SLC16A10: variants seen among roughly 807,000 people sequenced by gnomAD.
The protein encoded by SLC16A10 is solute carrier family 16 member 10.
SLC16A10 carries 27 observed loss-of-function variants against 40.0 expected under a neutral mutation model. The ratio of observed to expected loss-of-function variants is 0.67; its 90% CI spans 0.50 to 0.93. The LOEUF (loss-of-function observed/expected upper bound fraction) is 0.93, where lower values mean the gene tolerates loss of function less well. Ranked by LOEUF, SLC16A10 falls within the 40% of genes least tolerant of loss-of-function variation. The pLI, the probability that SLC16A10 is intolerant of heterozygous loss-of-function variation, is 0.00. For missense variants in SLC16A10, 529 were observed against 658.2 expected, an observed-to-expected ratio of 0.80 and a Z score of 2.15; for synonymous variants, 213 against 249.8, an observed-to-expected ratio of 0.85 and a Z score of 1.39.
At position 111,100,952 on chromosome 6, in the gene SLC16A10, TTCTCTCCCTCTCTC is replaced by T. The variant is rs1334129883; in HGVS notation, c.343+12864_343+12877del. On this transcript the variant is annotated intron_variant, in intron 1 of 5. Coordinates refer to ENST00000368851, the MANE Select transcript of SLC16A10 (RefSeq NM_018593.5). Reference sequence around the variant, plus strand: ...GAAACTTGGGGTTCTCTCTCGCTCTTTCTCTCCCTCTCTCTCTCTCTCTCTCTCTCTCTCTCTCT... The same window carrying T: ...GAAACTTGGGGTTCTCTCTCGCTCTTTCTCTCTCTCTCTCTCTCTCTCTCT... Among the ~76,000 whole-genome samples, 471 of 81,564 alleles carry T rather than the reference TTCTCTCCCTCTCTC, an allele frequency of 5.8e-3. 1 individual carries two copies. Among genetic ancestry groups the T allele is most frequent in the African/African-American group, 0.019 (412 of 21,642 alleles). 53.5% of individuals were successfully genotyped at this position (81,564 alleles called of 152,430 possible).
chr6:111,104,897 TAA>T (rs948275471), intron 1 of SLC16A10, among the ~76,000 whole-genome samples: 9 of 142,740 alleles, frequency 6.3e-5, no homozygotes, highest in Admixed American at 1.4e-4. Flanking sequence ...GCTTTGGTCT[TAA>T]AAAAAAAAAA....
chr6:111,205,261 ATATCACC>A (rs1773235819), intron 3 of SLC16A10, among the ~76,000 whole-genome samples: 1 of 152,196 alleles, frequency 6.6e-6, no homozygotes, highest in Non-Finnish European at 1.5e-5. Flanking sequence ...TTTTAAAGAG[ATATCACC>A]CAGAAAGTCT....
intron 1 of SLC16A10, among the ~76,000 whole-genome samples, chr6:111,119,068 C>G (rs191042652): frequency 1.3e-5 from 2 of 152,152 alleles, no homozygotes; most frequent in East Asian, 3.8e-4. Flanking sequence ...TGTGCCATAC[C>G]TTTGAAGGGC....
chr6:111,126,398 T>C (rs1771674754), intron 1 of SLC16A10, among the ~76,000 whole-genome samples: 1 of 152,204 alleles, frequency 6.6e-6, no homozygotes, highest in Non-Finnish European at 1.5e-5. Context: ...TAGCTTCTTC[T>C]TATAGTTCAT....
chr6:111,174,676 T>C (rs1414768876), intron 2 of SLC16A10, among the ~76,000 whole-genome samples: 1 of 152,144 alleles, frequency 6.6e-6, no homozygotes, highest in African/African-American at 2.4e-5. Context: ...TCAGATAGCT[T>C]CTTTGATCTG....
chr6:111,107,598 T>C (rs1322023042), intron 1 of SLC16A10, among the ~76,000 whole-genome samples: 1 of 152,204 alleles, frequency 6.6e-6, no homozygotes. Context: ...TTACATGAAA[T>C]TTTAAACAAG....
At chr6:111,182,562 C>G (rs965868107) in intron 3 of SLC16A10, among the ~76,000 whole-genome samples, 1 of 152,052 alleles carries the variant, frequency 6.6e-6, no homozygotes, top group East Asian at 1.9e-4. Flanking sequence ...ACGTATATGT[C>G]AATGACTTCA....
chr6:111,137,063 A>G (rs1771892637), intron 1 of SLC16A10, among the ~76,000 whole-genome samples: 1 of 152,194 alleles, frequency 6.6e-6, no homozygotes, highest in Non-Finnish European at 1.5e-5. Context: ...AGGACAGAGA[A>G]ATAAAAGGGA....
At chr6:111,122,624 T>TA (rs1387780154) in intron 1 of SLC16A10, among the ~76,000 whole-genome samples, 1 of 152,196 alleles carries the variant, frequency 6.6e-6, no homozygotes, top group Non-Finnish European at 1.5e-5. Flanking sequence ...ATCGGGTTCT[T>TA]ATGTTCAGCT....
chr6:111,170,915 A>G (rs1451419757), intron 1 of SLC16A10, among the ~76,000 whole-genome samples: 1 of 152,076 alleles, frequency 6.6e-6, no homozygotes, highest in Admixed American at 6.5e-5. Context: ...GGGTGGGCCG[A>G]TCACTTAAGC....
intron 3 of SLC16A10, among the ~76,000 whole-genome samples, chr6:111,190,602 G>A (rs960634284): frequency 2.0e-5 from 3 of 152,238 alleles, no homozygotes; most frequent in East Asian, 1.9e-4. Context: ...CTGAAATCTA[G>A]GTGGAGGTTC....
chr6:111,142,832 C>T (rs1211932499), intron 1 of SLC16A10, among the ~76,000 whole-genome samples: 3 of 152,214 alleles, frequency 2.0e-5, no homozygotes, highest in Non-Finnish European at 2.9e-5. Flanking sequence ...AAATTAAACA[C>T]ACTCATCATA....
intron 1 of SLC16A10, among the ~76,000 whole-genome samples, chr6:111,144,487 G>C (rs553317798): frequency 4.6e-5 from 7 of 152,362 alleles, no homozygotes; most frequent in Non-Finnish European, 7.3e-5. Context: ...ACAGGCATGA[G>C]CCACCGCGCC....
At position 111,172,857 on chromosome 6, in the gene SLC16A10, T is replaced by A. The variant is rs910628925; in HGVS notation, c.488+18T>A. On this transcript the variant is annotated intron_variant, in intron 2 of 5. Transcript: ENST00000368851. Reference sequence around the variant, plus strand: ...TTTGTAAGGTAAGGACTTGGTTTTTTCATGTTGCTTTTTAAAAACTGTTAG... The same window carrying A: ...TTTGTAAGGTAAGGACTTGGTTTTTACATGTTGCTTTTTAAAAACTGTTAG... 1 of 1,608,162 alleles carries A rather than the reference T, an allele frequency of 6.2e-7. No homozygotes were observed. Among genetic ancestry groups the A allele is most frequent in the Non-Finnish European group, 8.5e-7 (1 of 1,176,620 alleles).
At chr6:111,114,476 T>C (rs1170345888) in intron 1 of SLC16A10, among the ~76,000 whole-genome samples, 1 of 152,240 alleles carries the variant, frequency 6.6e-6, no homozygotes, top group Non-Finnish European at 1.5e-5. Context: ...TGATGTAATG[T>C]CTCATTATGG....
At chr6:111,197,676 G>C (rs577600163) in intron 3 of SLC16A10, among the ~76,000 whole-genome samples, 1 of 152,240 alleles carries the variant, frequency 6.6e-6, no homozygotes, top group African/African-American at 2.4e-5. Context: ...AGGCTGTATA[G>C]GAAGCATGGC....
At chr6:111,139,933 G>A (rs1376530470) in intron 1 of SLC16A10, among the ~76,000 whole-genome samples, 3 of 152,056 alleles carry the variant, frequency 2.0e-5, no homozygotes, top group African/African-American at 7.2e-5. Flanking sequence ...GTTACTTTTT[G>A]ACTTATAGGT....
At chr6:111,106,389 T>G (rs1771285237) in intron 1 of SLC16A10, among the ~76,000 whole-genome samples, 1 of 152,172 alleles carries the variant, frequency 6.6e-6, no homozygotes. Flanking sequence ...TGTACTTTGA[T>G]TAGGAAACAA....
intron 3 of SLC16A10, among the ~76,000 whole-genome samples, chr6:111,204,906 C>A (rs888073577): frequency 1.3e-5 from 2 of 151,998 alleles, no homozygotes; most frequent in African/African-American, 4.8e-5. Flanking sequence ...TTTCGCTGAG[C>A]CCTTAGACAT....
Sources: allele counts gnomAD v4.1 joint callset (sites outside exome capture counted in the v4.1 genomes callset), GRCh38; gene constraint gnomAD v4.1.1; transcripts MANE v1.5; gene names NCBI Gene and HGNC (gene_info 2026-07-23, HGNC 2026-07-21).